Variants in RALA observed in about 807,000 individuals in gnomAD.
RALA encodes the protein RAS like proto-oncogene A, also known as ras-related protein Ral-A.
Under a neutral mutation model 24.0 loss-of-function variants are expected in RALA, and 5 were observed. The ratio of observed to expected loss-of-function variants is 0.21; its 90% confidence interval spans 0.11 to 0.44. The LOEUF (loss-of-function observed/expected upper bound fraction) is 0.44. Ranked by LOEUF, RALA falls within the 20% of genes least tolerant of loss-of-function variation. RALA has a pLI of 0.99. For missense variants in RALA, 95 were observed against 241.2 expected, an observed-to-expected ratio of 0.39 and a Z score of 4.01; for synonymous variants, 77 against 83.8, an observed-to-expected ratio of 0.92 and a Z score of 0.44.
chr7:39,645,071 G>T (rs2115953313), intron 1 of RALA, among the ~76,000 whole-genome samples: 1 of 152,260 alleles, frequency 6.6e-6, no homozygotes, highest in South Asian at 2.1e-4. Flanking sequence ...ACTTTTTGAT[G>T]ACTTTCCTAG....
chr7:39,682,346 C>T (rs1177577127), intron 1 of RALA, among the ~76,000 whole-genome samples: 2 of 152,188 alleles, frequency 1.3e-5, no homozygotes, highest in Non-Finnish European at 2.9e-5. Flanking sequence ...AGCCTCTGTC[C>T]TCTCTTGCAT....
At chr7:39,639,580 G>A (rs945934731) in intron 1 of RALA, among the ~76,000 whole-genome samples, 2 of 152,086 alleles carry the variant, frequency 1.3e-5, no homozygotes, top group Admixed American at 1.3e-4. Context: ...AAAGTAGAGG[G>A]AGAGAAATAA....
rs191672766 is a variant in RALA at position 39,664,243 on chromosome 7, G to A, written c.-37-22388G>A. ...GATCAGGGCTGCCCTTATCTGTAAA[G>A]CTGCTAATCCCCAAGTCTTGAAAGG... is the stretch of plus-strand genomic sequence containing the variant. On this transcript the variant is annotated intron_variant, in intron 1 of 4. Coordinates refer to ENST00000005257, the MANE Select transcript of RALA (RefSeq NM_005402.4). 6.9e-3 allele frequency among the ~76,000 whole-genome samples: 1,049 copies of A among 152,242 alleles called. 9 individuals carry two copies. The highest frequency in any genetic ancestry group is 0.014 in the Middle Eastern group (4 of 294).
At chr7:39,676,296 C>G (rs150128959) in intron 1 of RALA, among the ~76,000 whole-genome samples, 36 of 152,210 alleles carry the variant, frequency 2.4e-4, no homozygotes, top group Middle Eastern at 3.4e-3. Flanking sequence ...TTTAATGCAC[C>G]GTTCAGATCA....
chr7:39,658,743 G>GT, intron 1 of RALA, among the ~76,000 whole-genome samples: 1 of 151,710 alleles, frequency 6.6e-6, no homozygotes, highest in Non-Finnish European at 1.5e-5. Context: ...GCTATTTTTA[G>GT]TTTTTTTATT....
chr7:39,627,565 C>T (rs142097034), intron 1 of RALA, among the ~76,000 whole-genome samples: 7 of 152,280 alleles, frequency 4.6e-5, no homozygotes, highest in East Asian at 1.9e-4. Flanking sequence ...TATAAAATGG[C>T]GTATACTCCC....
In RALA at chr7:39,705,480, T is replaced by C. The variant is rs537398470; in HGVS notation, c.499-643T>C. Among the ~76,000 whole-genome samples the C allele has an allele frequency of 4.6e-5, 7 of 152,306 alleles. No homozygotes were observed. In the East Asian group the frequency reaches 1.3e-3, roughly 29 times the overall value. On this transcript the variant is annotated intron_variant, in intron 4 of 4. Transcript: ENST00000005257. ...TGTGTTACAGAACAGAGGAATTTCT[T>C]ATTGAAATTTAACTTTGAATTGTTA...
At chr7:39,701,336 G>C (rs1793023223) in intron 4 of RALA, among the ~76,000 whole-genome samples, 1 of 152,132 alleles carries the variant, frequency 6.6e-6, no homozygotes, top group South Asian at 2.1e-4. Context: ...CATGGCAAAA[G>C]CCTATCTCTA....
chr7:39,674,041 GTAAATAAATAAA>G (rs72097023), intron 1 of RALA, among the ~76,000 whole-genome samples: 11 of 48,916 alleles, frequency 2.2e-4, no homozygotes, highest in Non-Finnish European at 3.6e-4. Context: ...GGCATGCACT[GTAAATAAATAAA>G]TAAATAAATA....
rs73128988 is a variant in RALA, at chr7:39,697,971, G to A, written c.498+1112G>A. On this transcript the variant is annotated intron_variant, in intron 4 of 4. Transcript: ENST00000005257. ...CAAGTGTGTGTGTGTGTGTGTGTGTGTGTATGTGTGTGTATGTGTGTTTTG... is the reference window on the plus strand; with the variant it reads ...CAAGTGTGTGTGTGTGTGTGTGTGTATGTATGTGTGTGTATGTGTGTTTTG... Among the ~76,000 whole-genome samples the A allele has an allele frequency of 7.4e-3, 1,105 of 149,456 alleles. 6 individuals are homozygous for A. Among genetic ancestry groups the A allele is most frequent in the Non-Finnish European group, 0.012 (787 of 67,244 alleles).
chr7:39,625,869 C>G (rs888595993), intron 1 of RALA, among the ~76,000 whole-genome samples: 4 of 152,200 alleles, frequency 2.6e-5, no homozygotes, highest in African/African-American at 9.7e-5. Context: ...TGGTCCTGCA[C>G]TGTTTTTCCA....
At chr7:39,703,086 A>C (rs556399247) in intron 4 of RALA, 1 of 152,270 alleles carries the variant, frequency 6.6e-6, no homozygotes, top group South Asian at 2.1e-4. Context: ...GTTTCAAAAC[A>C]TCACTGTGTA....
intron 1 of RALA, among the ~76,000 whole-genome samples, chr7:39,659,642 A>G (rs1443418932): frequency 6.6e-6 from 1 of 152,148 alleles, no homozygotes; most frequent in African/African-American, 2.4e-5. Flanking sequence ...ACTGCTGGTA[A>G]TTTGTGTGTT....
At chr7:39,684,513 C>T (rs111891171) in intron 1 of RALA, among the ~76,000 whole-genome samples, 1 of 151,808 alleles carries the variant, frequency 6.6e-6, no homozygotes, top group Non-Finnish European at 1.5e-5. Context: ...CTTGGGTGCC[C>T]TGTACAGCCC....
At chr7:39,688,146 G>A (rs892290352) in intron 2 of RALA, among the ~76,000 whole-genome samples, 7 of 152,090 alleles carry the variant, frequency 4.6e-5, no homozygotes, top group African/African-American at 7.2e-5. Context: ...GTTAGTGAGC[G>A]AATTAAAAAG....
chr7:39,687,426 CAAAAA>C (rs1177045271), intron 2 of RALA, among the ~76,000 whole-genome samples: 2 of 115,580 alleles, frequency 1.7e-5, no homozygotes, highest in Non-Finnish European at 3.8e-5. Context: ...GACTCCATCC[CAAAAA>C]AAAAAAAAAA....
chr7:39,636,620 A>C (rs965243632), intron 1 of RALA, among the ~76,000 whole-genome samples: 1 of 152,154 alleles, frequency 6.6e-6, no homozygotes, highest in African/African-American at 2.4e-5. Flanking sequence ...TTCATCAACA[A>C]AATTTCTGTT....
chr7:39,667,287 A>G (rs765001683), intron 1 of RALA, among the ~76,000 whole-genome samples: 2 of 152,248 alleles, frequency 1.3e-5, no homozygotes, highest in Non-Finnish European at 2.9e-5. Flanking sequence ...AGTTCATGGT[A>G]ATGAAAGCCA....
chr7:39,685,339 G>A (rs1792678303), intron 1 of RALA, among the ~76,000 whole-genome samples: 1 of 152,240 alleles, frequency 6.6e-6, no homozygotes, highest in Non-Finnish European at 1.5e-5. Context: ...GTCTGATGCA[G>A]CTGAGCTAGG....
Sources: gnomAD v4.1 joint callset for allele counts (sites outside exome capture counted in the v4.1 genomes callset) on GRCh38, gnomAD v4.1.1 for gene constraint, MANE v1.5 for transcripts, NCBI Gene and HGNC (gene_info 2026-07-23, HGNC 2026-07-21) for gene names.